DARS1: variants seen among roughly 807,000 people sequenced by gnomAD.
The protein encoded by DARS1 is aspartyl-tRNA synthetase 1.
In DARS1, 51 loss-of-function variants were observed where a neutral mutation model predicts 68.8. The observed-to-expected ratio is 0.74, with a 90% confidence interval of 0.59 to 0.94. The LOEUF (loss-of-function observed/expected upper bound fraction) is 0.94. Among genes scored for constraint, DARS1 ranks in the 40% least tolerant of loss-of-function variants. The pLI is 0.00. For synonymous variants in DARS1, 203 were observed against 190.4 expected, an observed-to-expected ratio of 1.07 and a Z score of -0.55; for missense variants, 607 against 597.3, an observed-to-expected ratio of 1.02 and a Z score of -0.17.
chr2:135,951,320 G>A (rs772395718), intron 4 of DARS1, among the ~76,000 whole-genome samples: 17 of 152,198 alleles, frequency 1.1e-4, no homozygotes, highest in Non-Finnish European at 2.2e-4. Flanking sequence ...GTTCCAAAGA[G>A]TGGGTCATGT....
At chr2:135,913,248 T>C (rs1680934135) in intron 12 of DARS1, among the ~76,000 whole-genome samples, 1 of 152,154 alleles carries the variant, frequency 6.6e-6, no homozygotes, top group Non-Finnish European at 1.5e-5. Context: ...ATGAATTATT[T>C]TGGGAAATTT....
At chr2:135,917,526 A>G (rs2104797768) in intron 10 of DARS1, among the ~76,000 whole-genome samples, 1 of 152,190 alleles carries the variant, frequency 6.6e-6, no homozygotes, top group African/African-American at 2.4e-5. Context: ...CTCAGGCTGG[A>G]GCGCAGTGGT....
intron 3 of DARS1, among the ~76,000 whole-genome samples, chr2:135,970,444 A>G (rs1682345607): frequency 6.6e-6 from 1 of 151,970 alleles, no homozygotes; most frequent in Admixed American, 6.6e-5. Context: ...AACAAATGAT[A>G]ATGGAAACAA....
At chr2:135,956,186 T>C (rs1681971569) in intron 4 of DARS1, among the ~76,000 whole-genome samples, 2 of 152,164 alleles carry the variant, frequency 1.3e-5, no homozygotes, top group South Asian at 4.1e-4. Context: ...AGATGGACAA[T>C]ACTTAAAGTG....
At chr2:135,981,709 C>T (rs1279734602) in intron 2 of DARS1, among the ~76,000 whole-genome samples, 1 of 148,394 alleles carries the variant, frequency 6.7e-6, no homozygotes. Flanking sequence ...CACTCTGTTG[C>T]CCAGGCTGAA....
intron 4 of DARS1, among the ~76,000 whole-genome samples, chr2:135,945,854 G>A (rs1681710000): frequency 6.6e-6 from 1 of 152,162 alleles, no homozygotes; most frequent in Non-Finnish European, 1.5e-5. Flanking sequence ...ATAGAGAACA[G>A]TTAATTTTTT....
At chr2:135,911,543 T>C (rs765265736) in intron 13 of DARS1, 50 bp from the exon 14 acceptor site, 4 of 788,842 alleles carry the variant, frequency 5.1e-6, no homozygotes, top group Admixed American at 2.1e-5. Flanking sequence ...CCTATTTCTA[T>C]TACATATATA....
At chr2:135,941,872 A>C (rs1375218542) in intron 5 of DARS1, among the ~76,000 whole-genome samples, 1 of 152,178 alleles carries the variant, frequency 6.6e-6, no homozygotes, top group Admixed American at 6.5e-5. Context: ...TCTCAAAAGA[A>C]GACATTTATG....
intron 8 of DARS1, among the ~76,000 whole-genome samples, chr2:135,923,830 C>T (rs974161711): frequency 1.3e-5 from 2 of 152,072 alleles, no homozygotes; most frequent in Non-Finnish European, 2.9e-5. Context: ...CCAGCCTGAC[C>T]AACATGGAGA....
intron 1 of DARS1, 160 bp downstream of exon 1, chr2:135,985,243 A>C: frequency 8.2e-7 from 1 of 1,219,204 alleles, no homozygotes; most frequent in Non-Finnish European, 1.1e-6. Flanking sequence ...GTCTGGCCCC[A>C]CTGCTGGGGC....
chr2:135,948,624 G>C (rs1165449549), intron 4 of DARS1, among the ~76,000 whole-genome samples: 1 of 152,128 alleles, frequency 6.6e-6, no homozygotes, highest in Admixed American at 6.5e-5. Context: ...CAGCACTTTG[G>C]GAGGCCAGGG....
chr2:135,976,174 G>C (rs889798613), intron 3 of DARS1, among the ~76,000 whole-genome samples: 1 of 152,132 alleles, frequency 6.6e-6, no homozygotes, highest in Non-Finnish European at 1.5e-5. Context: ...TTTTGTAAAA[G>C]AAAAAGTATC....
Position 135,923,957 on chromosome 2 carries a change from G to A in DARS1, c.676+430C>T, listed in dbSNP as rs188916921. ...GCTTGAACCTGGGAGGTGGAGGTTCGGTGAGCCGAATTCACAACACTGCAC... is the reference window on the plus strand; with the variant it reads ...GCTTGAACCTGGGAGGTGGAGGTTCAGTGAGCCGAATTCACAACACTGCAC... On this transcript the variant is annotated intron_variant, in intron 8 of 15. Transcript: ENST00000264161. Among the ~76,000 whole-genome samples the A allele has an allele frequency of 8.7e-4, 133 of 152,126 alleles. 2 individuals are homozygous for A. The highest frequency in any genetic ancestry group is 8.7e-3 in the Admixed American group (133 of 15,262).
At chr2:135,913,443 A>G (rs1680938893) in intron 12 of DARS1, among the ~76,000 whole-genome samples, 1 of 152,096 alleles carries the variant, frequency 6.6e-6, no homozygotes, top group African/African-American at 2.4e-5. Context: ...TGTGACCTAG[A>G]TTTAATTAAA....
At position 135,920,616 on chromosome 2, in the gene DARS1, A is replaced by G. The variant is rs1681093835; in HGVS notation, c.812-16T>C. 1 of 1,569,352 alleles carries G rather than the reference A, an allele frequency of 6.4e-7. No individual in the cohort carries two copies. Among genetic ancestry groups the G allele is most frequent in the Non-Finnish European group, 8.6e-7 (1 of 1,163,130 alleles). ...GCTCTGAATACTGTGAAGTTAATAAAAGAAATAGAGAGCAAACACTGATTT... is the reference window on the plus strand; with the variant it reads ...GCTCTGAATACTGTGAAGTTAATAAGAGAAATAGAGAGCAAACACTGATTT... On this transcript the variant is annotated splice_polypyrimidine_tract_variant and intron_variant, in intron 9 of 15. Transcript: ENST00000264161.
chr2:135,976,332 C>T (rs1682496970), intron 3 of DARS1, among the ~76,000 whole-genome samples: 2 of 151,918 alleles, frequency 1.3e-5, no homozygotes, highest in Admixed American at 1.3e-4. Flanking sequence ...GCATTTAGCC[C>T]CTCCAAAATT....
intron 15 of DARS1, among the ~76,000 whole-genome samples, chr2:135,908,025 A>C (rs988849984): frequency 1.3e-5 from 2 of 152,210 alleles, no homozygotes; most frequent in Admixed American, 6.5e-5. Flanking sequence ...GATAGGAAAC[A>C]AGTTACAAGA....
Position 135,985,568 on chromosome 2 carries a change from AC to A in DARS1, c.-101del. 1.3e-6 allele frequency: 2 copies of A among 1,589,504 alleles called. No homozygotes were observed. Among genetic ancestry groups the A allele is most frequent in the East Asian group, 2.3e-5 (1 of 44,002 alleles). On this transcript the variant is annotated 5_prime_UTR_variant, in exon 1 of 16. Coordinates refer to ENST00000264161, the MANE Select transcript of DARS1 (RefSeq NM_001349.4). ...CTCCCTCCCAGTCTCCGCCCTCCCGACCCTGGGGTCTCAGCACACGCGCTCG... is the reference window on the plus strand; with the variant it reads ...CTCCCTCCCAGTCTCCGCCCTCCCGACCTGGGGTCTCAGCACACGCGCTCG...
At chr2:135,978,391 A>G (rs1161315817) in intron 3 of DARS1, among the ~76,000 whole-genome samples, 1 of 152,198 alleles carries the variant, frequency 6.6e-6, no homozygotes, top group African/African-American at 2.4e-5. Flanking sequence ...GCTTCTGTTT[A>G]TACTCCACCA....
Sources: allele counts gnomAD v4.1 joint callset (sites outside exome capture counted in the v4.1 genomes callset), GRCh38; gene constraint gnomAD v4.1.1; transcripts MANE v1.5; gene names NCBI Gene and HGNC (gene_info 2026-07-23, HGNC 2026-07-21).